The following GALNT13 variants were observed in gnomAD, a reference collection of about 807,000 sequenced individuals.
GALNT13 encodes polypeptide N-acetylgalactosaminyltransferase 13, also known as UDP-GalNAc:polypeptide N-acetylgalactosaminyltransferase 13.
In GALNT13, 28 loss-of-function variants were observed where a neutral mutation model predicts 64.2. The observed-to-expected ratio is 0.44, with a 90% CI of 0.32 to 0.60. GALNT13 has a LOEUF of 0.60. GALNT13 is among the 20% of genes least tolerant of loss of function. GALNT13 has a pLI of 0.05. For missense variants in GALNT13, 577 were observed against 669.8 expected (o/e 0.86, Z 1.53); for synonymous variants, 214 against 224.6 (o/e 0.95, Z 0.42).
intron 1 of GALNT13, among the ~76,000 whole-genome samples, chr2:153,898,449 A>G (rs1688022037): frequency 6.6e-6 from 1 of 152,118 alleles, no homozygotes; most frequent in African/African-American, 2.4e-5. Context: ...TTTAGCTGTT[A>G]GTGTTATCTT....
At chr2:153,920,977 A>C (rs1403686235) in intron 2 of GALNT13, among the ~76,000 whole-genome samples, 1 of 152,178 alleles carries the variant, frequency 6.6e-6, no homozygotes, top group Non-Finnish European at 1.5e-5. Flanking sequence ...AAAAAATAGC[A>C]GATGCTGGAA....
intron 4 of GALNT13, among the ~76,000 whole-genome samples, chr2:154,158,192 AC>A (rs1408963410): frequency 6.6e-6 from 1 of 152,122 alleles, no homozygotes; most frequent in Admixed American, 6.6e-5. Flanking sequence ...AATCTTAAGC[AC>A]CAGATAGTCC....
At chr2:153,675,219 T>A in the GALNT13 span, among the ~76,000 whole-genome samples, 1 of 152,222 alleles carries the variant, frequency 6.6e-6, no homozygotes, top group Non-Finnish European at 1.5e-5. Flanking sequence ...GGATTATAAA[T>A]CATGCTACTA....
chr2:153,760,992 C>T, the GALNT13 span, among the ~76,000 whole-genome samples: 3 of 152,062 alleles, frequency 2.0e-5, no homozygotes, highest in African/African-American at 7.2e-5. Flanking sequence ...CCTTCTTTAT[C>T]TTTTTTTACT....
At chr2:153,317,614 C>G in the GALNT13 span, among the ~76,000 whole-genome samples, 1 of 152,032 alleles carries the variant, frequency 6.6e-6, no homozygotes, top group Admixed American at 6.6e-5. Flanking sequence ...AAGATAATTT[C>G]TTGGTGGAGA....
intron 9 of GALNT13, among the ~76,000 whole-genome samples, chr2:154,385,155 T>C (rs1224509134): frequency 6.6e-6 from 1 of 152,000 alleles, no homozygotes; most frequent in African/African-American, 2.4e-5. Flanking sequence ...TCTAACTAGC[T>C]TCCTGCAGCA....
intron 8 of GALNT13, among the ~76,000 whole-genome samples, chr2:154,281,316 C>T (rs1691950059): frequency 6.6e-6 from 1 of 152,034 alleles, no homozygotes; most frequent in Non-Finnish European, 1.5e-5. Flanking sequence ...ATTTTATTTA[C>T]ACAGAGAACG....
At chr2:153,506,055 T>G in the GALNT13 span, among the ~76,000 whole-genome samples, 1 of 152,304 alleles carries the variant, frequency 6.6e-6, no homozygotes, top group South Asian at 2.1e-4. Context: ...ATATTTAGGA[T>G]TGTGATATTT....
intron 4 of GALNT13, among the ~76,000 whole-genome samples, chr2:154,215,967 A>T (rs1309834849): frequency 6.6e-6 from 1 of 151,964 alleles, no homozygotes; most frequent in African/African-American, 2.4e-5. Flanking sequence ...AATAAATTTT[A>T]AAATATTTAT....
intron 1 of GALNT13, among the ~76,000 whole-genome samples, chr2:153,894,176 A>G (rs1300608690): frequency 5.9e-5 from 9 of 152,016 alleles, no homozygotes; most frequent in Admixed American, 3.9e-4. Context: ...TAAACATTCA[A>G]TGAAAAAAAA....
At chr2:153,658,936 C>T in the GALNT13 span, among the ~76,000 whole-genome samples, 1 of 151,966 alleles carries the variant, frequency 6.6e-6, no homozygotes, top group Non-Finnish European at 1.5e-5. Context: ...TTCTAATGTA[C>T]ATATATTTGT....
At chr2:153,161,102 G>A in the GALNT13 span, among the ~76,000 whole-genome samples, 1 of 152,114 alleles carries the variant, frequency 6.6e-6, no homozygotes, top group African/African-American at 2.4e-5. Flanking sequence ...TACTGTTAAA[G>A]ACTTAGCAAG....
chr2:153,683,127 T>C, the GALNT13 span, among the ~76,000 whole-genome samples: 93 of 151,858 alleles, frequency 6.1e-4, no homozygotes, highest in African/African-American at 2.1e-3. Context: ...CAGGTAGATA[T>C]ATGGCACATA....
chr2:154,071,252 A>C (rs947320717), intron 3 of GALNT13, among the ~76,000 whole-genome samples: 1 of 152,120 alleles, frequency 6.6e-6, no homozygotes, highest in East Asian at 1.9e-4. Context: ...AACTAGCATA[A>C]CTGACATCTA....
At position 154,395,980 on chromosome 2, in the gene GALNT13, A is replaced by G; in HGVS notation, c.1157-11A>G. On this transcript the variant is annotated splice_polypyrimidine_tract_variant and intron_variant, in intron 9 of 12. Coordinates refer to ENST00000392825, the MANE Select transcript of GALNT13 (RefSeq NM_052917.4). ...GCACAAACTGATTTGTGTTTCTCTG[A>G]AAAATTCCAGGTGTTGTCAAAGTGG... is the stretch of plus-strand genomic sequence containing the variant. 6.3e-7 allele frequency: 1 copy of G among 1,580,434 alleles called. No homozygotes were observed. The highest frequency in any genetic ancestry group is 8.6e-7 in the Non-Finnish European group (1 of 1,166,190).
the GALNT13 span, among the ~76,000 whole-genome samples, chr2:153,511,055 C>T: frequency 2.6e-5 from 4 of 151,888 alleles, no homozygotes; most frequent in South Asian, 2.1e-4. Context: ...TCTGTCCAGA[C>T]GATTTCCTTT....
intron 3 of GALNT13, among the ~76,000 whole-genome samples, chr2:153,946,714 A>G (rs1203004380): frequency 6.6e-6 from 1 of 152,084 alleles, no homozygotes; most frequent in African/African-American, 2.4e-5. Context: ...CTATCTCCTA[A>G]TATCACTTTG....
At chr2:154,440,155 C>T (rs951397287) in intron 12 of GALNT13, among the ~76,000 whole-genome samples, 3 of 151,876 alleles carry the variant, frequency 2.0e-5, no homozygotes, top group Admixed American at 6.6e-5. Context: ...GTTACTGTTC[C>T]GTTTCTACCA....
intron 9 of GALNT13, among the ~76,000 whole-genome samples, chr2:154,393,819 C>T (rs562736238): frequency 6.6e-6 from 1 of 152,110 alleles, no homozygotes; most frequent in Non-Finnish European, 1.5e-5. Flanking sequence ...TGGCTCACGC[C>T]TGTAATCCCA....
Sources: allele counts gnomAD v4.1 joint callset (sites outside exome capture counted in the v4.1 genomes callset), GRCh38; gene constraint gnomAD v4.1.1; transcripts MANE v1.5; gene names NCBI Gene and HGNC (gene_info 2026-07-23, HGNC 2026-07-21).